The following KIAA1217 variants were observed in gnomAD, a reference collection of about 807,000 sequenced individuals.
KIAA1217 encodes KIAA1217.
A neutral mutation model predicts 163.9 loss-of-function variants in KIAA1217; 88 were observed. That is an observed-to-expected ratio of 0.54 (90% confidence interval 0.45 to 0.64). The LOEUF (loss-of-function observed/expected upper bound fraction) is 0.64. Ranked by LOEUF, KIAA1217 falls within the 30% of genes least tolerant of loss-of-function variation. The pLI is 0.00. For synonymous variants in KIAA1217, 903 were observed against 923.1 expected (o/e 0.98, Z 0.39); for missense variants, 2,372 against 2,475.0 (o/e 0.96, Z 0.88).
chr10:24,324,798 T>C (rs965399382), intron 2 of KIAA1217, among the ~76,000 whole-genome samples: 2 of 152,198 alleles, frequency 1.3e-5, no homozygotes, highest in Non-Finnish European at 2.9e-5. Context: ...GGGCTGGTCT[T>C]GTCAAGTCTT....
At chr10:24,132,806 T>TG (rs1260607799) in intron 2 of KIAA1217, among the ~76,000 whole-genome samples, 1 of 152,152 alleles carries the variant, frequency 6.6e-6, no homozygotes, top group African/African-American at 2.4e-5. Context: ...CGGATGAGGC[T>TG]GGGGGGCTGT....
intron 2 of KIAA1217, among the ~76,000 whole-genome samples, chr10:24,030,783 C>T (rs1442804224): frequency 1.3e-5 from 2 of 152,184 alleles, no homozygotes; most frequent in African/African-American, 2.4e-5. Context: ...CTGTTGGTGA[C>T]TGCCTTTTTT....
At chr10:24,003,514 C>T (rs1372157357) in intron 1 of KIAA1217, among the ~76,000 whole-genome samples, 1 of 152,110 alleles carries the variant, frequency 6.6e-6, no homozygotes, top group Non-Finnish European at 1.5e-5. Flanking sequence ...CTCTGAATAT[C>T]ATCAACTGTT....
intron 3 of KIAA1217, among the ~76,000 whole-genome samples, chr10:24,430,958 G>A (rs2059559061): frequency 6.6e-6 from 1 of 152,206 alleles, no homozygotes; most frequent in African/African-American, 2.4e-5. Context: ...AGTTCAGTCA[G>A]GCATCATGCA....
At chr10:24,194,990 C>T (rs2066916977) in intron 2 of KIAA1217, among the ~76,000 whole-genome samples, 1 of 152,022 alleles carries the variant, frequency 6.6e-6, no homozygotes, top group Non-Finnish European at 1.5e-5. Context: ...CATGCTCCTT[C>T]CAAGTGCTGG....
intron 10 of KIAA1217, among the ~76,000 whole-genome samples, chr10:24,514,739 C>T (rs868051514): frequency 7.2e-5 from 11 of 152,082 alleles, no homozygotes; most frequent in Admixed American, 2.0e-4. Flanking sequence ...CCTGTAATCC[C>T]AGCACTTTGG....
chr10:24,488,339 T>G (rs2065669836), intron 6 of KIAA1217, among the ~76,000 whole-genome samples: 1 of 151,968 alleles, frequency 6.6e-6, no homozygotes, highest in Non-Finnish European at 1.5e-5. Context: ...GTAGGGAACT[T>G]AGGGATGAGA....
intron 3 of KIAA1217, among the ~76,000 whole-genome samples, chr10:24,398,213 G>C (rs929389356): frequency 6.6e-6 from 1 of 152,106 alleles, no homozygotes; most frequent in Non-Finnish European, 1.5e-5. Flanking sequence ...GTAAGCTATA[G>C]AAAAGAAAAT....
chr10:24,015,281 C>G (rs1847423621), intron 2 of KIAA1217, among the ~76,000 whole-genome samples: 1 of 152,134 alleles, frequency 6.6e-6, no homozygotes. Flanking sequence ...CAAGGAACCT[C>G]AAAATATCAG....
intron 1 of KIAA1217, among the ~76,000 whole-genome samples, chr10:24,004,960 A>G (rs1487758291): frequency 1.3e-5 from 2 of 152,246 alleles, no homozygotes; most frequent in African/African-American, 2.4e-5. Context: ...GTTCGACAAC[A>G]GGACTCAAGG....
chr10:23,750,020 CT>C (rs936046623), intron 1 of KIAA1217, among the ~76,000 whole-genome samples: 9 of 151,542 alleles, frequency 5.9e-5, no homozygotes, highest in East Asian at 1.9e-4. Context: ...CTTTTCTTTT[CT>C]TTTTTTGACC....
At chr10:24,384,656 C>T (rs989038430) in intron 3 of KIAA1217, among the ~76,000 whole-genome samples, 1 of 131,956 alleles carries the variant, frequency 7.6e-6, no homozygotes, top group Non-Finnish European at 1.5e-5. Context: ...CCTGCCTCAG[C>T]CTCCTGAGTA....
At chr10:24,530,712 G>A (rs1465636961) in intron 14 of KIAA1217, among the ~76,000 whole-genome samples, 1 of 152,022 alleles carries the variant, frequency 6.6e-6, no homozygotes, top group Non-Finnish European at 1.5e-5. Context: ...AGCCTGGGCA[G>A]CATAGTGAGA....
intron 1 of KIAA1217, among the ~76,000 whole-genome samples, chr10:23,804,665 G>A (rs190739902): frequency 4.0e-4 from 61 of 152,186 alleles, no homozygotes; most frequent in African/African-American, 1.4e-3. Flanking sequence ...GATACACACC[G>A]TTGCCAGTGT....
Position 23,999,252 on chromosome 10 carries a change from C to T in KIAA1217, c.-320-7973C>T, listed in dbSNP as rs72773132. The stretch of plus-strand genomic sequence containing the variant: ...GAAGATTCAAAAGAACAGGGTGAAA[C>T]CTGTGTGTTTGCCCCAGGGAGGGTG... On this transcript the variant is annotated intron_variant, in intron 1 of 18. Coordinates refer to the KIAA1217 transcript ENST00000376462. Among the ~76,000 whole-genome samples, 1,267 of 152,280 alleles carry T rather than the reference C, an allele frequency of 8.3e-3. 11 individuals carry two copies. The highest frequency in any genetic ancestry group is 0.012 in the Non-Finnish European group (825 of 68,014).
At chr10:23,865,933 C>T (rs529005209) in intron 1 of KIAA1217, among the ~76,000 whole-genome samples, 2 of 152,204 alleles carry the variant, frequency 1.3e-5, no homozygotes, top group East Asian at 3.9e-4. Flanking sequence ...GATTTATTTG[C>T]TCCTGTGCTG....
chr10:24,179,907 G>C (rs1589798716), intron 2 of KIAA1217, among the ~76,000 whole-genome samples: 2 of 152,268 alleles, frequency 1.3e-5, no homozygotes, highest in East Asian at 3.9e-4. Context: ...CTTTATAGTA[G>C]TGCAAGAACA....
At chr10:24,236,791 A>G (rs1016068809) in intron 2 of KIAA1217, among the ~76,000 whole-genome samples, 5 of 151,812 alleles carry the variant, frequency 3.3e-5, no homozygotes, top group African/African-American at 1.2e-4. Context: ...AGCTGGGACT[A>G]GAGGCACACA....
chr10:24,280,741 C>T (rs584193), intron 2 of KIAA1217, among the ~76,000 whole-genome samples: 58,764 of 150,090 alleles, frequency 0.39, 12,227 homozygotes, highest in Non-Finnish European at 0.46. Flanking sequence ...ACCTGGGAGG[C>T]GGAGCTTGCA....
Sources: gnomAD v4.1 joint callset for allele counts (sites outside exome capture counted in the v4.1 genomes callset) on GRCh38, gnomAD v4.1.1 for gene constraint, MANE v1.5 for transcripts, NCBI Gene and HGNC (gene_info 2026-07-23, HGNC 2026-07-21) for gene names.